C4orf50: variants seen among roughly 807,000 people sequenced by gnomAD.
The protein encoded by C4orf50 is chromosome 4 open reading frame 50, also known as uncharacterized protein C4orf50.
Under a neutral mutation model 77.2 loss-of-function variants are expected in C4orf50, and 80 were observed. That is an observed-to-expected ratio of 1.04 (90% CI 0.87 to 1.25). The LOEUF (loss-of-function observed/expected upper bound fraction) is 1.25, where lower values mean the gene tolerates loss of function less well. C4orf50 is among the 50% of genes most tolerant of loss of function. The probability of loss-of-function intolerance (pLI) is 0.00; values close to 1 mark genes in which losing one functional copy is unlikely to be tolerated. For missense variants in C4orf50, 1,257 were observed against 1,152.9 expected (o/e 1.09, Z -1.31); for synonymous variants, 532 against 465.3 (o/e 1.14, Z -1.84).
chr4:6,014,255 G>A (rs1335097691), intron 23 of C4orf50, among the ~76,000 whole-genome samples: 1 of 152,106 alleles, frequency 6.6e-6, no homozygotes, highest in African/African-American at 2.4e-5. Flanking sequence ...GCCCGCCTGG[G>A]CCTCCCAAAG....
chr4:5,964,022 T>G (rs951439702), intron 33 of C4orf50, among the ~76,000 whole-genome samples: 2 of 76,028 alleles, frequency 2.6e-5, no homozygotes, highest in Non-Finnish European at 5.3e-5. Flanking sequence ...CTAGAAAAGC[T>G]AGGGGGAAAC....
downstream of C4orf50, among the ~76,000 whole-genome samples, chr4:5,952,381 T>C (rs540363098): frequency 2.6e-5 from 4 of 152,236 alleles, no homozygotes; most frequent in Non-Finnish European, 5.9e-5. This position sits in a 1 kb window ranked among gnomAD's most constrained non-coding sequence, Gnocchi z 4.4. Flanking sequence ...CCAGCCGAAT[T>C]GCACCCCAGA....
exon 28 of C4orf50, chr4:5,989,847 C>A: frequency 2.0e-6 from 3 of 1,463,908 alleles, no homozygotes; most frequent in Non-Finnish European, 2.7e-6. Flanking sequence ...CTTCTTGATG[C>A]GGCATCTCAT....
intron 28 of C4orf50, among the ~76,000 whole-genome samples, chr4:5,983,327 C>T (rs371831865): frequency 2.3e-4 from 35 of 152,340 alleles, no homozygotes; most frequent in African/African-American, 8.4e-4. Context: ...TGCAACCTGC[C>T]TTGTGACAGC....
intron 30 of C4orf50, among the ~76,000 whole-genome samples, chr4:5,975,139 CAAAAAAAAAAAAAAAAAAA>C (rs763836859): frequency 2.4e-4 from 20 of 82,868 alleles, no homozygotes; most frequent in East Asian, 2.3e-3. Flanking sequence ...CACTCCATCT[CAAAAAAAAAAAAAAAAAAA>C]AAAAAAAAAA....
rs975099907 is a variant in C4orf50, at chr4:5,970,598, C to T, written c.4104+3061G>A. Among the ~76,000 whole-genome samples, 2 of 152,196 alleles carry T rather than the reference C, an allele frequency of 1.3e-5. No homozygotes were observed. The highest frequency in any genetic ancestry group is 2.9e-5 in the Non-Finnish European group (2 of 68,028). On this transcript the variant is annotated intron_variant, in intron 31 of 33. Transcript: ENST00000531445. This position sits in a 1 kb window ranked among gnomAD's most constrained non-coding sequence, Gnocchi z 4.3. ...CAACACCACATGCCTGCAGAAAGGG[C>T]ACTGGGGCCAAACCGACTCTGAGGC...
In C4orf50 at chr4:6,015,776, C is replaced by T. The variant is rs1038846745; in HGVS notation, c.287+2369G>A. On this transcript the variant is annotated intron_variant, in intron 23 of 33. Coordinates refer to ENST00000531445, the Ensembl canonical transcript of C4orf50. This position sits in a 1 kb window ranked among gnomAD's most constrained non-coding sequence, Gnocchi z 4.4. ...TAGAGCTGCATTCCTGGGCTCCTGG[C>T]CCTGCCTTCATCTTTGGAGCCAGCT... Among the ~76,000 whole-genome samples the T allele has an allele frequency of 6.6e-6, 1 of 152,216 alleles. No homozygotes were observed. The highest frequency in any genetic ancestry group is 6.5e-5 in the Admixed American group (1 of 15,288).
intron 25 of C4orf50, among the ~76,000 whole-genome samples, chr4:5,999,134 C>A (rs1721720790): frequency 6.6e-6 from 1 of 152,228 alleles, no homozygotes; most frequent in Admixed American, 6.5e-5. Flanking sequence ...TAGGAAAGTG[C>A]TTTGTGAATA....
At chr4:5,991,103 C>T (rs73069589) in intron 27 of C4orf50, among the ~76,000 whole-genome samples, 4,892 of 152,230 alleles carry the variant, frequency 0.032, 256 homozygotes, top group African/African-American at 0.11. Context: ...CCTCCCTGAC[C>T]GCTCTCCCTC....
chr4:5,953,703 G>C (rs1267644933), downstream of C4orf50, among the ~76,000 whole-genome samples: 1 of 152,172 alleles, frequency 6.6e-6, no homozygotes, highest in Non-Finnish European at 1.5e-5. Flanking sequence ...ACAAGCTGGA[G>C]AGCCCTGCTG....
rs1717057760 is a variant in C4orf50 at position 5,917,056 on chromosome 4, A to G, written c.*2475-18868T>C. Among the ~76,000 whole-genome samples, 3 of 152,224 alleles carry G rather than the reference A, an allele frequency of 2.0e-5. No individual in the cohort carries two copies. The South Asian group carries it at 6.2e-4, about 32-fold the overall frequency. ...ACAGGAAAGTGGATCCAAGATTTCC[A>G]GATCACGTACATCATGCCTACGCTA... On this transcript the variant is annotated intron_variant, in intron 7 of 7. Transcript: ENST00000324058.
intron 7 of C4orf50, among the ~76,000 whole-genome samples, chr4:5,913,764 C>T (rs756766010): frequency 7.2e-5 from 11 of 152,176 alleles, no homozygotes; most frequent in Non-Finnish European, 1.5e-4. Flanking sequence ...GGAAAGAATA[C>T]AGAAAGCGGG....
At chr4:5,967,546 G>A in intron 31 of C4orf50, 84 bp from the exon 10 acceptor site, 1 of 1,269,252 alleles carries the variant, frequency 7.9e-7, no homozygotes, top group Non-Finnish European at 1.2e-6. Context: ...GGACCAAGCA[G>A]GGCCATCACC....
At chr4:5,993,657 A>G (rs889333282) in intron 26 of C4orf50, among the ~76,000 whole-genome samples, 1 of 152,022 alleles carries the variant, frequency 6.6e-6, no homozygotes, top group Non-Finnish European at 1.5e-5. Flanking sequence ...TCTTTACTAA[A>G]AATACAAAAG....
chr4:5,929,285 G>T (rs1717655534), intron 7 of C4orf50, among the ~76,000 whole-genome samples: 1 of 152,184 alleles, frequency 6.6e-6, no homozygotes, highest in South Asian at 2.1e-4. Context: ...TATTTTTCAG[G>T]CTCTGATGCG....
chr4:6,004,808 G>A (rs1437053877), intron 25 of C4orf50, among the ~76,000 whole-genome samples: 1 of 151,550 alleles, frequency 6.6e-6, no homozygotes, highest in Non-Finnish European at 1.5e-5. Context: ...TGATGGTGAT[G>A]TTGGTGATGA....
intron 30 of C4orf50, among the ~76,000 whole-genome samples, chr4:5,974,045 G>A (rs1307849998): frequency 6.6e-6 from 1 of 152,206 alleles, no homozygotes; most frequent in Non-Finnish European, 1.5e-5. Context: ...CACACCCCCA[G>A]GGGCTCCGCA....
intron 25 of C4orf50, among the ~76,000 whole-genome samples, chr4:6,006,911 G>T (rs144003103): frequency 6.6e-6 from 1 of 152,188 alleles, no homozygotes; most frequent in Non-Finnish European, 1.5e-5. Context: ...TTGCCACCAG[G>T]GTACTGTTGT....
At chr4:5,940,975 A>C (rs555256520) in intron 7 of C4orf50, among the ~76,000 whole-genome samples, 1 of 152,286 alleles carries the variant, frequency 6.6e-6, no homozygotes, top group East Asian at 1.9e-4. Context: ...GCCCCAGTAG[A>C]ACTATCTGAT....
Sources: gnomAD v4.1 joint callset for allele counts (sites outside exome capture counted in the v4.1 genomes callset) on GRCh38, gnomAD v4.1.1 for gene constraint, Gnocchi (gnomAD v3.1) non-coding constraint, MANE v1.5 for transcripts, NCBI Gene and HGNC (gene_info 2026-07-23, HGNC 2026-07-21) for gene names.